Variants in RBFOX1 observed in about 807,000 individuals in gnomAD.
The protein encoded by RBFOX1 is RNA binding fox-1 homolog 1.
RBFOX1 carries 8 observed loss-of-function variants against 57.7 expected under a neutral mutation model. The ratio of observed to expected loss-of-function variants is 0.14; its 90% CI spans 0.08 to 0.25. The LOEUF (loss-of-function observed/expected upper bound fraction) is 0.25, where lower values mean the gene tolerates loss of function less well. RBFOX1 is among the 10% of genes least tolerant of loss of function. RBFOX1 has a pLI of 1.00. For synonymous variants in RBFOX1, 326 were observed against 222.4 expected (o/e 1.47, Z -4.15); for missense variants, 611 against 548.5 (o/e 1.11, Z -1.14).
intron 1 of RBFOX1, among the ~76,000 whole-genome samples, chr16:5,343,597 A>G (rs1265757955): frequency 4.6e-5 from 7 of 152,126 alleles, no homozygotes; most frequent in Admixed American, 3.3e-4. Context: ...CTGGGATTAC[A>G]GGCATGAGCC....
intron 4 of RBFOX1, among the ~76,000 whole-genome samples, chr16:7,348,939 C>G: frequency 6.6e-6 from 1 of 152,000 alleles, no homozygotes; most frequent in Non-Finnish European, 1.5e-5. Context: ...GAGACTCCAC[C>G]TCAAAGAAAA....
chr16:6,366,171 C>A (rs1310168236), intron 2 of RBFOX1, among the ~76,000 whole-genome samples: 1 of 149,362 alleles, frequency 6.7e-6, no homozygotes, highest in Non-Finnish European at 1.5e-5. Flanking sequence ...TATATTTATA[C>A]CTGGAACATA....
At chr16:5,661,607 C>T (rs1009156459) in intron 3 of RBFOX1, among the ~76,000 whole-genome samples, 1 of 152,154 alleles carries the variant, frequency 6.6e-6, no homozygotes, top group African/African-American at 2.4e-5. Flanking sequence ...ATTTGATGTA[C>T]ATACACATTG....
In RBFOX1 at chr16:6,275,346, G is replaced by A. The variant is rs527338348; in HGVS notation, c.-126-41649G>A. ...AGAAAAAGAAAGAAAAGAAAAGTTA[G>A]CATCTTTCAATCAGCAAACATTTAT... is the stretch of plus-strand genomic sequence containing the variant. On this transcript the variant is annotated intron_variant, in intron 1 of 15. Transcript: ENST00000550418. Among the ~76,000 whole-genome samples, 8 of 152,078 alleles carry A rather than the reference G, an allele frequency of 5.3e-5. No homozygotes were observed. In the South Asian group the frequency reaches 8.3e-4, roughly 16 times the overall value.
chr16:5,602,059 C>G (rs865841805), downstream of RBFOX1, among the ~76,000 whole-genome samples: 1 of 152,180 alleles, frequency 6.6e-6, no homozygotes, highest in African/African-American at 2.4e-5. Context: ...TTAACCTGCT[C>G]CTCCATCTCC....
chr16:7,359,273 A>AAT (rs2097274807), intron 4 of RBFOX1, among the ~76,000 whole-genome samples: 1 of 152,216 alleles, frequency 6.6e-6, no homozygotes, highest in Non-Finnish European at 1.5e-5. Context: ...GGATATGTAA[A>AAT]ATAGTATATA....
chr16:7,699,882 C>G (rs1420745940), intron 14 of RBFOX1, among the ~76,000 whole-genome samples: 1 of 152,008 alleles, frequency 6.6e-6, no homozygotes, highest in Non-Finnish European at 1.5e-5. Flanking sequence ...TTGTGTGTCC[C>G]CAAGAACTGG....
chr16:5,336,570 A>T (rs1467451316), intron 1 of RBFOX1, among the ~76,000 whole-genome samples: 1 of 152,174 alleles, frequency 6.6e-6, no homozygotes, highest in Admixed American at 6.5e-5. Flanking sequence ...CTGGTCCTGT[A>T]TCCTCTGGAG....
At chr16:7,052,775 A>T (rs2050556212) in intron 4 of RBFOX1, among the ~76,000 whole-genome samples, 1 of 152,148 alleles carries the variant, frequency 6.6e-6, no homozygotes, top group Non-Finnish European at 1.5e-5. Flanking sequence ...TGGTATGGGG[A>T]TGGCATTTTA....
intron 4 of RBFOX1, among the ~76,000 whole-genome samples, chr16:5,963,391 C>G (rs1484162262): frequency 6.6e-6 from 1 of 152,158 alleles, no homozygotes; most frequent in South Asian, 2.1e-4. Flanking sequence ...TTTAAACCAT[C>G]AGGTTGTACA....
chr16:5,779,757 A>G (rs758603027), intron 3 of RBFOX1, among the ~76,000 whole-genome samples: 37 of 152,150 alleles, frequency 2.4e-4, no homozygotes, highest in Admixed American at 2.2e-3. Flanking sequence ...GCTGCAGAAT[A>G]CCCTGATAAT....
chr16:5,344,232 G>C (rs1435337945), intron 1 of RBFOX1, among the ~76,000 whole-genome samples: 1 of 152,116 alleles, frequency 6.6e-6, no homozygotes, highest in Non-Finnish European at 1.5e-5. Context: ...CTTGCCCTAG[G>C]TTTGGGTTCT....
At chr16:7,054,657 G>C (rs991907255) in intron 4 of RBFOX1, among the ~76,000 whole-genome samples, 2 of 152,040 alleles carry the variant, frequency 1.3e-5, no homozygotes, top group South Asian at 2.1e-4. Context: ...CTTAGAAAGA[G>C]AGTGGAAGAA....
At chr16:6,710,481 T>C (rs1197605139) in intron 3 of RBFOX1, among the ~76,000 whole-genome samples, 1 of 152,230 alleles carries the variant, frequency 6.6e-6, no homozygotes, top group African/African-American at 2.4e-5. Flanking sequence ...ATGCTGACAG[T>C]GCACCTCCAT....
intron 4 of RBFOX1, among the ~76,000 whole-genome samples, chr16:7,153,897 T>G (rs998891722): frequency 6.6e-6 from 1 of 152,034 alleles, no homozygotes; most frequent in African/African-American, 2.4e-5. Flanking sequence ...AGGTAAATTG[T>G]TCTAGTTAGG....
intron 3 of RBFOX1, among the ~76,000 whole-genome samples, chr16:6,690,816 G>A (rs1220027952): frequency 2.0e-5 from 3 of 149,536 alleles, no homozygotes; most frequent in African/African-American, 7.4e-5. Flanking sequence ...GTGTCCCCAG[G>A]CCATCATTTT....
At chr16:5,724,045 G>C (rs1483888001) in intron 3 of RBFOX1, among the ~76,000 whole-genome samples, 1 of 152,170 alleles carries the variant, frequency 6.6e-6, no homozygotes, top group Non-Finnish European at 1.5e-5. Context: ...GTCCGTGTGT[G>C]TGCATGTGCC....
intron 1 of RBFOX1, among the ~76,000 whole-genome samples, chr16:6,114,157 T>A (rs2096474713): frequency 6.6e-6 from 1 of 152,230 alleles, no homozygotes; most frequent in South Asian, 2.1e-4. Context: ...TACAGAATGA[T>A]CTGATTTTAG....
intron 1 of RBFOX1, among the ~76,000 whole-genome samples, chr16:5,419,972 G>T (rs2067266478): frequency 6.6e-6 from 1 of 152,128 alleles, no homozygotes; most frequent in African/African-American, 2.4e-5. Context: ...GGTGTCTGCA[G>T]ATACCAGCCC....
Sources: allele counts gnomAD v4.1 joint callset (sites outside exome capture counted in the v4.1 genomes callset), GRCh38; gene constraint gnomAD v4.1.1; transcripts MANE v1.5; gene names NCBI Gene and HGNC (gene_info 2026-07-23, HGNC 2026-07-21).